Variants in LIFR observed in about 807,000 individuals in gnomAD.
The protein encoded by LIFR is leukemia inhibitory factor receptor.
In LIFR, 84 loss-of-function variants were observed where a neutral mutation model predicts 122.2. The ratio of observed to expected loss-of-function variants is 0.69; its 90% CI spans 0.58 to 0.82. The LOEUF (loss-of-function observed/expected upper bound fraction) is 0.82. LIFR is among the 40% of genes least tolerant of loss of function. The pLI is 0.00. For missense variants in LIFR, 1,294 were observed against 1,311.6 expected, an observed-to-expected ratio of 0.99 and a Z score of 0.21; for synonymous variants, 422 against 434.7, an observed-to-expected ratio of 0.97 and a Z score of 0.36.
upstream of LIFR, among the ~76,000 whole-genome samples, chr5:38,597,268 G>A (rs528635105): frequency 1.2e-4 from 18 of 152,316 alleles, no homozygotes; most frequent in Admixed American, 1.0e-3. Flanking sequence ...GAGAATGGCC[G>A]TAAACAGGAT....
chr5:38,597,075 CATTT>C (rs1750117826), upstream of LIFR, among the ~76,000 whole-genome samples: 1 of 152,210 alleles, frequency 6.6e-6, no homozygotes, highest in Admixed American at 6.5e-5. Flanking sequence ...CAAAGGGAGC[CATTT>C]ATTGAAGGAA....
Position 38,595,190 on chromosome 5 carries a change from G to C in LIFR, c.-20+71C>G, listed in dbSNP as rs2276998. On this transcript the variant is annotated intron_variant, in intron 1 of 19. Coordinates refer to the LIFR transcript ENST00000263409. ...AAGCAGAGTGAAAAGAAATCTAAAG[G>C]GGGGACAGGTCTAAGGGGACATGGG... 533 of 164,060 alleles carry C rather than the reference G, an allele frequency of 3.2e-3. 17 individuals carry two copies. The East Asian group carries it at 0.067, about 21-fold the overall frequency. The allele number at this position is 164,060 out of a possible 1,614,324, so 10.2% of individuals were successfully genotyped here.
chr5:38,587,653 G>A (rs1424860144), intron 1 of LIFR, among the ~76,000 whole-genome samples: 1 of 152,144 alleles, frequency 6.6e-6, no homozygotes, highest in African/African-American at 2.4e-5. Context: ...AAGAGTGTAC[G>A]GGATGGGGGA....
chr5:38,518,134 A>C (rs1746204517), intron 5 of LIFR, among the ~76,000 whole-genome samples: 1 of 151,870 alleles, frequency 6.6e-6, no homozygotes, highest in Non-Finnish European at 1.5e-5. Flanking sequence ...TGAATAAAAT[A>C]AAATAAAATA....
intron 12 of LIFR, among the ~76,000 whole-genome samples, chr5:38,498,354 T>C (rs1744996470): frequency 6.6e-6 from 1 of 152,186 alleles, no homozygotes; most frequent in Non-Finnish European, 1.5e-5. Context: ...TGCATGCTGC[T>C]GTCACCTGGG....
intron 2 of LIFR, among the ~76,000 whole-genome samples, chr5:38,604,829 A>AGGGAGAC (rs1417125103): frequency 6.6e-6 from 1 of 152,192 alleles, no homozygotes; most frequent in Non-Finnish European, 1.5e-5. Context: ...TATACATTTT[A>AGGGAGAC]GGGAGACAGG....
rs61751713 is a variant in LIFR, at chr5:38,530,602, C to T, written c.46G>A (p.Asp16Asn). The change falls in exon 2 of 20, where the codon GAC becomes AAC. Residue 16 changes from aspartate (D) to asparagine (N), a missense_variant. Transcript: ENST00000453190. ...GAAGCAGTCCTCATTCTTTTATTGTCCACCATCCAGGATGGTCGTTTCAAA... is the reference window on the plus strand; with the variant it reads ...GAAGCAGTCCTCATTCTTTTATTGTTCACCATCCAGGATGGTCGTTTCAAA... The part of the protein sequence containing the change: ...VCLKRPSWMV[D>N]NKRMRTASNF... 586 of 1,612,946 alleles carry T rather than the reference C, an allele frequency of 3.6e-4. 3 individuals are homozygous for T. Among genetic ancestry groups the T allele is most frequent in the Middle Eastern group, 2.6e-3 (16 of 6,056 alleles).
At position 38,506,045 on chromosome 5, in the gene LIFR, C is replaced by A; in HGVS notation, c.1151G>T (p.Arg384Ile). The change falls in exon 9 of 20, where the codon AGA (arginine) becomes ATA (isoleucine). Residue 384 changes from arginine to isoleucine, a missense_variant. Physicochemically the swap from Arg to Ile is moderately conservative, Grantham distance 97. Coordinates refer to ENST00000453190, the MANE Select transcript of LIFR (RefSeq NM_001127671.2). ...GCTTTCGTTTGTAGGTGCTTCAGCT[C>A]TTTTAAGTCTAACATATTTTCCTGA... The part of the protein sequence containing the change: ...SFSGKYVRLK[R>I]AEAPTNESYQ... The A allele has an allele frequency of 6.3e-7, 1 of 1,599,770 alleles. No homozygotes were observed. Among genetic ancestry groups the A allele is most frequent in the South Asian group, 1.1e-5 (1 of 88,772 alleles).
chr5:38,494,106 T>C (rs1427542984), intron 13 of LIFR, among the ~76,000 whole-genome samples: 2 of 152,128 alleles, frequency 1.3e-5, no homozygotes, highest in Non-Finnish European at 2.9e-5. Context: ...CTAAGGACAC[T>C]GGCTGGGACA....
At chr5:38,527,334 A>C (rs1188359080) in intron 3 of LIFR, 40 bp from the exon 4 acceptor site, 3 of 1,285,862 alleles carry the variant, frequency 2.3e-6, no homozygotes, top group Non-Finnish European at 3.3e-6. Flanking sequence ...AAATAAAATT[A>C]ATAGTATAAT....
intron 5 of LIFR, among the ~76,000 whole-genome samples, chr5:38,518,623 T>C (rs752967367): frequency 3.9e-5 from 6 of 152,226 alleles, no homozygotes; most frequent in African/African-American, 7.2e-5. Flanking sequence ...ACACATATAA[T>C]TGTGCTCTGT....
chr5:38,539,175 T>A (rs893855630), intron 1 of LIFR, among the ~76,000 whole-genome samples: 3 of 152,096 alleles, frequency 2.0e-5, no homozygotes, highest in African/African-American at 7.2e-5. Context: ...GGTCTCGATC[T>A]CCTGACCTAG....
At chr5:38,519,777 T>A (rs564387551) in intron 5 of LIFR, among the ~76,000 whole-genome samples, 2 of 152,326 alleles carry the variant, frequency 1.3e-5, no homozygotes, top group South Asian at 4.1e-4. Context: ...TCCAGTTCCA[T>A]CCTGGTTGCT....
At position 38,527,641 on chromosome 5, in the gene LIFR, C is replaced by G. The variant is rs547009437; in HGVS notation, c.258-347G>C. On this transcript the variant is annotated intron_variant, in intron 3 of 19. Transcript: ENST00000453190. ...TCACTGAGGGACCAGTGCATCACAG[C>G]GCTCCTCATGCTAGGATGATGTTCA... 2.0e-5 allele frequency among the ~76,000 whole-genome samples: 3 copies of G among 152,248 alleles called. No homozygotes were observed. The South Asian group carries it at 6.2e-4, about 32-fold the overall frequency.
intron 10 of LIFR, among the ~76,000 whole-genome samples, chr5:38,503,424 T>G (rs1196733017): frequency 1.3e-5 from 2 of 152,146 alleles, no homozygotes; most frequent in African/African-American, 4.8e-5. Context: ...ACAAAGAAGG[T>G]TTTCAGGTTA....
At chr5:38,487,603 A>C (rs939615555) in intron 16 of LIFR, among the ~76,000 whole-genome samples, 1 of 152,214 alleles carries the variant, frequency 6.6e-6, no homozygotes, top group Non-Finnish European at 1.5e-5. Context: ...GAGAATAATT[A>C]TAACAATATA....
intron 1 of LIFR, among the ~76,000 whole-genome samples, chr5:38,585,021 A>T (rs1444090585): frequency 6.6e-6 from 1 of 152,206 alleles, no homozygotes; most frequent in Non-Finnish European, 1.5e-5. Flanking sequence ...AAAAGAAGAA[A>T]ATGCTTTCCA....
intron 1 of LIFR, among the ~76,000 whole-genome samples, chr5:38,584,848 A>C (rs1205061871): frequency 6.6e-6 from 1 of 152,170 alleles, no homozygotes; most frequent in Non-Finnish European, 1.5e-5. Flanking sequence ...AAATAAGTAG[A>C]GTTCAGCAGC....
chr5:38,510,336 T>C (rs1745727447), intron 7 of LIFR, 128 bp downstream of exon 7: 2 of 884,612 alleles, frequency 2.3e-6, no homozygotes, highest in Admixed American at 2.2e-5. Flanking sequence ...AGCCTTTATA[T>C]TAAAGAACAA....
Sources: allele counts gnomAD v4.1 joint callset (sites outside exome capture counted in the v4.1 genomes callset), GRCh38; gene constraint gnomAD v4.1.1; transcripts MANE v1.5; gene names NCBI Gene and HGNC (gene_info 2026-07-23, HGNC 2026-07-21).